The following CSMD1 variants were observed in gnomAD, a reference collection of about 807,000 sequenced individuals.
CSMD1 encodes the protein CUB and sushi domain-containing protein 1.
A neutral mutation model predicts 417.5 loss-of-function variants in CSMD1; 213 were observed. That is an observed-to-expected ratio of 0.51 (90% CI 0.46 to 0.57). CSMD1 has a LOEUF of 0.57. Ranked by LOEUF, CSMD1 falls within the 20% of genes least tolerant of loss-of-function variation. CSMD1 has a pLI of 0.00. For missense variants in CSMD1, 6,923 were observed against 4,529.7 expected (o/e 1.53, Z -15.17); for synonymous variants, 2,862 against 1,736.8 (o/e 1.65, Z -16.11).
intron 3 of CSMD1, among the ~76,000 whole-genome samples, chr8:4,385,572 G>C (rs754881805): frequency 1.3e-5 from 2 of 152,082 alleles, no homozygotes; most frequent in Non-Finnish European, 2.9e-5. Context: ...ACAGTGTATT[G>C]TTTTTAAGGA....
At chr8:4,716,060 G>A (rs1361219731) in intron 1 of CSMD1, among the ~76,000 whole-genome samples, 1 of 152,210 alleles carries the variant, frequency 6.6e-6, no homozygotes, top group African/African-American at 2.4e-5. Context: ...GGAGCTGACA[G>A]AGAAGCTGCT....
intron 1 of CSMD1, among the ~76,000 whole-genome samples, chr8:4,810,655 A>C (rs1199281148): frequency 6.6e-6 from 1 of 150,934 alleles, no homozygotes; most frequent in Admixed American, 6.6e-5. Flanking sequence ...TGTATTACAT[A>C]GAAAATTTCA....
intron 1 of CSMD1, among the ~76,000 whole-genome samples, chr8:4,874,907 A>C (rs1374353653): frequency 6.7e-6 from 1 of 150,258 alleles, no homozygotes; most frequent in East Asian, 1.9e-4. Context: ...TATAGTATAT[A>C]CTATATTAGA....
chr8:3,698,728 G>C (rs1261087725), intron 7 of CSMD1, among the ~76,000 whole-genome samples: 1 of 152,218 alleles, frequency 6.6e-6, no homozygotes, highest in Non-Finnish European at 1.5e-5. Context: ...TCACAGATGA[G>C]TAAAGAGGAT....
At chr8:3,149,982 C>A (rs148138707) in intron 40 of CSMD1, among the ~76,000 whole-genome samples, 1 of 152,156 alleles carries the variant, frequency 6.6e-6, no homozygotes, top group Non-Finnish European at 1.5e-5. Context: ...TTACACATAC[C>A]TCTGAAAGAA....
intron 5 of CSMD1, among the ~76,000 whole-genome samples, chr8:3,869,704 G>T (rs1265296749): frequency 6.6e-6 from 1 of 152,124 alleles, no homozygotes; most frequent in African/African-American, 2.4e-5. Flanking sequence ...CCAGGAGCAT[G>T]TGGGGAAGCT....
chr8:4,880,493 A>C (rs955776565), intron 1 of CSMD1, among the ~76,000 whole-genome samples: 1 of 152,026 alleles, frequency 6.6e-6, no homozygotes, highest in African/African-American at 2.4e-5. Flanking sequence ...TAGCCCATGA[A>C]TTCTGTCATA....
chr8:3,618,978 G>A, intron 7 of CSMD1, among the ~76,000 whole-genome samples: 1 of 152,116 alleles, frequency 6.6e-6, no homozygotes, highest in African/African-American at 2.4e-5. Context: ...GATGAGGAAG[G>A]GCGGCATAAT....
At chr8:4,601,052 G>A (rs1056604881) in intron 2 of CSMD1, among the ~76,000 whole-genome samples, 1 of 151,570 alleles carries the variant, frequency 6.6e-6, no homozygotes, top group Admixed American at 6.6e-5. Context: ...CGTCTCCCAG[G>A]TTCAAGCGAT....
At chr8:4,105,320 T>C (rs1188496347) in intron 3 of CSMD1, among the ~76,000 whole-genome samples, 3 of 145,674 alleles carry the variant, frequency 2.1e-5, no homozygotes, top group African/African-American at 2.5e-5. Flanking sequence ...GTGATCTTAA[T>C]CTTGTAACAC....
At position 3,860,052 on chromosome 8, in the gene CSMD1, G is replaced by A. The variant is rs182871045; in HGVS notation, c.819-106010C>T. Among the ~76,000 whole-genome samples the A allele has an allele frequency of 4.3e-4, 65 of 152,110 alleles. No individual in the cohort carries two copies. In the East Asian group the frequency reaches 7.2e-3, roughly 17 times the overall value. ...TGTGCTTGTGGAGGGTCATGCCCTTGCGCTTTGCAGTATGGTTAGTTGTGG... is the reference window on the plus strand; with the variant it reads ...TGTGCTTGTGGAGGGTCATGCCCTTACGCTTTGCAGTATGGTTAGTTGTGG... On this transcript the variant is annotated intron_variant, in intron 5 of 69. Coordinates refer to ENST00000635120, the MANE Select transcript of CSMD1 (RefSeq NM_033225.6).
intron 6 of CSMD1, among the ~76,000 whole-genome samples, chr8:3,713,078 G>C (rs75173771): frequency 6.6e-6 from 1 of 152,004 alleles, no homozygotes; most frequent in Non-Finnish European, 1.5e-5. Context: ...AAATAAATAT[G>C]ACGAATCTCT....
chr8:4,064,277 C>T (rs7831840), intron 3 of CSMD1, among the ~76,000 whole-genome samples: 3 of 152,266 alleles, frequency 2.0e-5, no homozygotes, highest in African/African-American at 7.2e-5. Context: ...CCTTTTTTAT[C>T]GTACCATATT....
chr8:4,343,266 G>T (rs1212221711), intron 3 of CSMD1, among the ~76,000 whole-genome samples: 1 of 152,092 alleles, frequency 6.6e-6, no homozygotes, highest in Non-Finnish European at 1.5e-5. Context: ...GTTGCCAGTG[G>T]TTGTGGGGAA....
intron 3 of CSMD1, among the ~76,000 whole-genome samples, chr8:4,112,832 T>C (rs557427238): frequency 5.3e-4 from 80 of 152,314 alleles, no homozygotes; most frequent in African/African-American, 1.7e-3. Flanking sequence ...CTCTTCACTG[T>C]ATTGCACTTT....
chr8:3,616,753 G>A lies in CSMD1; in HGVS notation c.1054C>T (p.Pro352Ser), dbSNP rs771200557. 6.2e-7 allele frequency: 1 copy of A among 1,612,544 alleles called. No individual in the cohort carries two copies. Among genetic ancestry groups the A allele is most frequent in the Non-Finnish European group, 8.5e-7 (1 of 1,179,212 alleles). ...VALVSDMCPD[P>S]GIPENGRRAG... ...CTTCTACCATTTTCTGGAATCCCAG[G>A]ATCTGGACACATGTCAGAGACCAAT... is the stretch of plus-strand genomic sequence containing the variant. Residue 352 changes from proline to serine, a missense_variant, in exon 8 of 70, where the codon CCT becomes TCT. By Grantham distance (74) the Pro-to-Ser change is moderately conservative. Transcript: ENST00000635120.
intron 2 of CSMD1, among the ~76,000 whole-genome samples, chr8:4,614,201 T>C (rs140765350): frequency 2.9e-4 from 44 of 152,252 alleles, no homozygotes; most frequent in South Asian, 4.1e-4. Context: ...ACAAAGGGCA[T>C]TGGGGGCCAG....
chr8:2,957,594 A>T (rs543135115), intron 63 of CSMD1, 102 bp downstream of exon 63: 9 of 803,376 alleles, frequency 1.1e-5, no homozygotes, highest in Non-Finnish European at 1.8e-5. Flanking sequence ...AGGATTAGGG[A>T]ATTAAAAACA....
At chr8:4,797,608 G>C (rs142657581) in intron 1 of CSMD1, among the ~76,000 whole-genome samples, 48 of 152,202 alleles carry the variant, frequency 3.2e-4, no homozygotes, top group African/African-American at 8.9e-4. Context: ...GGGGGAGAGA[G>C]AAAAAGAGAT....
Sources: allele counts gnomAD v4.1 joint callset (sites outside exome capture counted in the v4.1 genomes callset), GRCh38; gene constraint gnomAD v4.1.1; transcripts MANE v1.5; gene names NCBI Gene and HGNC (gene_info 2026-07-23, HGNC 2026-07-21).